The following THRB variants were observed in gnomAD, a reference collection of about 807,000 sequenced individuals.
THRB encodes thyroid hormone receptor beta.
THRB carries 12 observed loss-of-function variants against 47.8 expected under a neutral mutation model. The ratio of observed to expected loss-of-function variants is 0.25; its 90% CI spans 0.16 to 0.41. The LOEUF is 0.41. THRB is among the 10% of genes least tolerant of loss of function. THRB has a pLI of 1.00. For synonymous variants in THRB, 218 were observed against 212.2 expected (o/e 1.03, Z -0.24); for missense variants, 348 against 589.2 (o/e 0.59, Z 4.24).
intron 1 of THRB, among the ~76,000 whole-genome samples, chr3:24,428,301 G>C (rs1178534399): frequency 6.6e-6 from 1 of 152,020 alleles, no homozygotes; most frequent in Admixed American, 6.6e-5. Context: ...GGACAGTGTT[G>C]CTATTCTCAG....
At chr3:24,337,905 A>T (rs763391939) in intron 1 of THRB, among the ~76,000 whole-genome samples, 1 of 152,190 alleles carries the variant, frequency 6.6e-6, no homozygotes, top group Non-Finnish European at 1.5e-5. Flanking sequence ...AGCTGTCTAG[A>T]TTGTGCTAAA....
intron 4 of THRB, among the ~76,000 whole-genome samples, chr3:24,206,009 T>G (rs191288304): frequency 2.0e-4 from 30 of 152,136 alleles, no homozygotes; most frequent in Non-Finnish European, 3.4e-4. Flanking sequence ...AGCAAGTCCT[T>G]AGTGACCTAC....
chr3:24,152,821 G>T (rs969128393), intron 5 of THRB, among the ~76,000 whole-genome samples: 2 of 151,912 alleles, frequency 1.3e-5, no homozygotes, highest in African/African-American at 2.4e-5. Flanking sequence ...AATTAGCCGG[G>T]CATGGTGACA....
At chr3:24,233,571 GAAAGAA>G (rs1221659352) in intron 3 of THRB, among the ~76,000 whole-genome samples, 1,374 of 64,982 alleles carry the variant, frequency 0.021, 36 homozygotes, top group African/African-American at 0.086. Context: ...AAGAAAGAAA[GAAAGAA>G]AGAAAGAAAG....
At chr3:24,299,584 C>T (rs2056753473) in intron 2 of THRB, among the ~76,000 whole-genome samples, 1 of 151,856 alleles carries the variant, frequency 6.6e-6, no homozygotes, top group South Asian at 2.1e-4. Context: ...CACAGATTAC[C>T]AAGTGTAACT....
chr3:24,269,021 A>G (rs555850790), intron 3 of THRB, among the ~76,000 whole-genome samples: 1 of 152,342 alleles, frequency 6.6e-6, no homozygotes, highest in African/African-American at 2.4e-5. Flanking sequence ...GGTATTATAT[A>G]GTTTGTCACA....
At chr3:24,348,497 G>C (rs2063163748) in intron 1 of THRB, 1 of 152,020 alleles carries the variant, frequency 6.6e-6, no homozygotes, top group South Asian at 2.1e-4. Flanking sequence ...ACCCACTAAA[G>C]AGGCACAGTT....
chr3:24,259,078 T>TC (rs1407689075), intron 3 of THRB, among the ~76,000 whole-genome samples: 1 of 152,204 alleles, frequency 6.6e-6, no homozygotes, highest in African/African-American at 2.4e-5. Context: ...GACCCACGCC[T>TC]GCTCCATGAG....
At chr3:24,488,348 C>A (rs1697617996) in intron 1 of THRB, among the ~76,000 whole-genome samples, 1 of 152,164 alleles carries the variant, frequency 6.6e-6, no homozygotes. Flanking sequence ...CGTCTGCAGT[C>A]CACTCTTAGA....
intron 3 of THRB, among the ~76,000 whole-genome samples, chr3:24,288,900 T>C (rs769339921): frequency 2.0e-5 from 3 of 152,234 alleles, no homozygotes; most frequent in Non-Finnish European, 1.5e-5. Context: ...TTGGTCGTTA[T>C]GTAAAATGTA....
chr3:24,382,618 T>C lies in THRB; in HGVS notation c.-260-45247A>G, dbSNP rs539796150. Among the ~76,000 whole-genome samples the C allele has an allele frequency of 3.9e-5, 6 of 152,218 alleles. No individual in the cohort carries two copies. The East Asian group carries it at 7.7e-4, about 20-fold the overall frequency. ...AAATATACTATTAAGAGGAAAAATG[T>C]AAGGTCAGAAAAAGTGTAGAAAAAA... On this transcript the variant is annotated intron_variant, in intron 1 of 10. Transcript: ENST00000646209.
chr3:24,341,333 C>T (rs1427952041), intron 1 of THRB, among the ~76,000 whole-genome samples: 3 of 148,732 alleles, frequency 2.0e-5, no homozygotes, highest in Admixed American at 6.8e-5. Flanking sequence ...CTGGCTCAAG[C>T]GATTCTCCTG....
chr3:24,216,708 A>G (rs531405921), intron 4 of THRB, among the ~76,000 whole-genome samples: 2 of 152,346 alleles, frequency 1.3e-5, no homozygotes, highest in East Asian at 1.9e-4. Context: ...TTATATGTTT[A>G]GTATGTAATA....
chr3:24,494,562 C>T (rs928353956), intron 1 of THRB, 90 bp downstream of exon 1: 2 of 151,666 alleles, frequency 1.3e-5, no homozygotes, highest in Non-Finnish European at 1.5e-5. Context: ...TCGGCTTAGC[C>T]GCCCGCACCC....
chr3:24,206,677 A>T (rs2045393680), intron 4 of THRB, among the ~76,000 whole-genome samples: 1 of 152,162 alleles, frequency 6.6e-6, no homozygotes, highest in African/African-American at 2.4e-5. Context: ...GGAGATAGAG[A>T]TACAAAAACC....
intron 2 of THRB, among the ~76,000 whole-genome samples, chr3:24,306,215 T>C (rs1449694408): frequency 1.3e-5 from 2 of 152,176 alleles, no homozygotes; most frequent in Non-Finnish European, 2.9e-5. Context: ...GCAATTCTGG[T>C]TTTCAGAAGG....
chr3:24,296,397 T>G (rs2056450943), intron 3 of THRB, among the ~76,000 whole-genome samples: 1 of 152,240 alleles, frequency 6.6e-6, no homozygotes, highest in African/African-American at 2.4e-5. Context: ...AAGCTCCTGC[T>G]AATAAATATG....
chr3:24,205,970 A>C (rs2045293852), intron 4 of THRB, among the ~76,000 whole-genome samples: 3 of 152,252 alleles, frequency 2.0e-5, no homozygotes, highest in Non-Finnish European at 4.4e-5. Context: ...ATATATATGC[A>C]CCTAATACAG....
chr3:24,493,711 C>A (rs763860971), intron 1 of THRB, among the ~76,000 whole-genome samples: 1 of 152,112 alleles, frequency 6.6e-6, no homozygotes, highest in Non-Finnish European at 1.5e-5. Context: ...GTTTCTAGAT[C>A]CTTCTTTTAA....
Sources: allele counts gnomAD v4.1 joint callset (sites outside exome capture counted in the v4.1 genomes callset), GRCh38; gene constraint gnomAD v4.1.1; transcripts MANE v1.5; gene names NCBI Gene and HGNC (gene_info 2026-07-23, HGNC 2026-07-21).